Variants in GNAI1 observed in about 807,000 individuals in gnomAD.
The protein encoded by GNAI1 is G protein subunit alpha i1, also known as guanine nucleotide-binding protein G(i) subunit alpha-1.
In GNAI1, 11 loss-of-function variants were observed where a neutral mutation model predicts 38.9. The ratio of observed to expected loss-of-function variants is 0.28; its 90% CI spans 0.18 to 0.47. The LOEUF is 0.47. Ranked by LOEUF, GNAI1 falls within the 20% of genes least tolerant of loss-of-function variation. The probability of loss-of-function intolerance (pLI) is 0.99; values close to 1 mark genes in which losing one functional copy is unlikely to be tolerated. For missense variants in GNAI1, 317 were observed against 436.9 expected (o/e 0.73, Z 2.45); for synonymous variants, 166 against 145.1 (o/e 1.14, Z -1.04).
intron 3 of GNAI1, 85 bp downstream of exon 3, chr7:80,189,316 G>T (rs1476868997): frequency 1.3e-5 from 15 of 1,182,940 alleles, no homozygotes; most frequent in Admixed American, 1.1e-4. Flanking sequence ...ACATAGGCTT[G>T]TCAACTATCA....
rs1788751908 is a variant in GNAI1, at chr7:80,205,170, T to C, written c.590+1338T>C. ...ACTAATTTATATGAATATAATAGAGTCACATTATTCACACAGTATTAAAAC... is the reference window on the plus strand; with the variant it reads ...ACTAATTTATATGAATATAATAGAGCCACATTATTCACACAGTATTAAAAC... On this transcript the variant is annotated intron_variant, in intron 5 of 7. Transcript: ENST00000649796. Among the ~76,000 whole-genome samples the C allele has an allele frequency of 2.0e-5, 3 of 152,032 alleles. 1 individual carries two copies. In the South Asian group the frequency reaches 6.2e-4, roughly 32 times the overall value.
At chr7:80,157,018 T>C (rs1034905453) in intron 1 of GNAI1, among the ~76,000 whole-genome samples, 5 of 152,200 alleles carry the variant, frequency 3.3e-5, no homozygotes, top group African/African-American at 9.7e-5. Flanking sequence ...GTACATTCTA[T>C]TGGTTTGGAA....
intron 1 of GNAI1, among the ~76,000 whole-genome samples, chr7:80,182,679 A>T (rs1446137456): frequency 6.6e-6 from 1 of 152,242 alleles, no homozygotes; most frequent in Non-Finnish European, 1.5e-5. Context: ...CAGAAAGAAA[A>T]TATTTTCATT....
intron 1 of GNAI1, among the ~76,000 whole-genome samples, chr7:80,183,293 T>G (rs752982457): frequency 1.1e-4 from 16 of 152,186 alleles, no homozygotes; most frequent in Non-Finnish European, 2.9e-5. Flanking sequence ...CACCCCTACT[T>G]TATCTACTTC....
chr7:80,192,567 G>A (rs1788500423), intron 3 of GNAI1, among the ~76,000 whole-genome samples: 1 of 152,082 alleles, frequency 6.6e-6, no homozygotes, highest in African/African-American at 2.4e-5. Context: ...TAATACAAGG[G>A]AAATAATATC....
chr7:80,210,199 A>T, intron 5 of GNAI1, among the ~76,000 whole-genome samples: 1 of 152,158 alleles, frequency 6.6e-6, no homozygotes, highest in East Asian at 1.9e-4. Context: ...AACTTTATAA[A>T]GTCTTATAAG....
chr7:80,211,835 T>C (rs73380510), intron 6 of GNAI1, among the ~76,000 whole-genome samples: 12,788 of 152,304 alleles, frequency 0.084, 548 homozygotes, highest in African/African-American at 0.093. Flanking sequence ...CTTTGTCATT[T>C]TAAGTTAACT....
intron 4 of GNAI1, among the ~76,000 whole-genome samples, chr7:80,200,691 A>C (rs1448550977): frequency 6.6e-6 from 1 of 152,212 alleles, no homozygotes; most frequent in Non-Finnish European, 1.5e-5. Flanking sequence ...AGTGTGTTTA[A>C]GAAATAATGA....
chr7:80,186,334 C>T (rs989561829), intron 1 of GNAI1, among the ~76,000 whole-genome samples: 3 of 152,094 alleles, frequency 2.0e-5, no homozygotes, highest in Non-Finnish European at 4.4e-5. Context: ...CCTGGCCCCC[C>T]ACTCTTTAAT....
At chr7:80,205,885 T>G (rs528331616) in intron 5 of GNAI1, among the ~76,000 whole-genome samples, 1 of 152,268 alleles carries the variant, frequency 6.6e-6, no homozygotes, top group South Asian at 2.1e-4. Context: ...TCATTCTAAA[T>G]AAATCTTTAC....
intron 1 of GNAI1, among the ~76,000 whole-genome samples, chr7:80,159,473 T>A (rs1234101437): frequency 6.6e-6 from 1 of 152,026 alleles, no homozygotes; most frequent in Non-Finnish European, 1.5e-5. Context: ...TTTACTGTCT[T>A]TTTTTGAAAA....
At chr7:80,200,886 T>C (rs1788675769) in intron 4 of GNAI1, among the ~76,000 whole-genome samples, 1 of 152,234 alleles carries the variant, frequency 6.6e-6, no homozygotes, top group African/African-American at 2.4e-5. Context: ...AAATATTCCT[T>C]GACCCACTGA....
intron 4 of GNAI1, 31 bp from the exon 5 acceptor site, chr7:80,203,673 T>G: frequency 6.9e-7 from 1 of 1,449,376 alleles, no homozygotes; most frequent in Non-Finnish European, 9.6e-7. Flanking sequence ...ATATTTACCA[T>G]TAACATGTTG....
intron 4 of GNAI1, among the ~76,000 whole-genome samples, 198 bp downstream of exon 4, chr7:80,199,580 A>G (rs1160384216): frequency 6.6e-6 from 1 of 152,152 alleles, no homozygotes; most frequent in Non-Finnish European, 1.5e-5. Context: ...TATATGTTCA[A>G]TAGTGTCTCA....
At chr7:80,158,192 A>G (rs892386324) in intron 1 of GNAI1, among the ~76,000 whole-genome samples, 2 of 152,176 alleles carry the variant, frequency 1.3e-5, no homozygotes, top group Admixed American at 6.5e-5. Context: ...CTCCTTCAGT[A>G]TCATGTTGGC....
chr7:80,225,431 TGG>T lies in GNAI1; in HGVS notation c.*7941_*7942del, dbSNP rs1050705102. ...GTCTGCAGCCAAATCAAAAGATTAG[TGG>T]GGTTTTTTTTAATGTTGTTATTGTG... On this transcript the variant is annotated 3_prime_UTR_variant, in exon 8 of 8. Transcript: ENST00000649796. 6.6e-6 allele frequency among the ~76,000 whole-genome samples: 1 copy of T among 151,826 alleles called. No individual in the cohort carries two copies. Among genetic ancestry groups the T allele is most frequent in the Non-Finnish European group, 1.5e-5 (1 of 67,932 alleles).
At chr7:80,144,228 A>C (rs1348730080) in intron 1 of GNAI1, among the ~76,000 whole-genome samples, 5 of 150,348 alleles carry the variant, frequency 3.3e-5, no homozygotes, top group African/African-American at 9.7e-5. Flanking sequence ...CTTTTTGCAA[A>C]CTTTTTTTTT....
At chr7:80,139,407 A>G (rs775888574) in intron 1 of GNAI1, among the ~76,000 whole-genome samples, 14 of 152,114 alleles carry the variant, frequency 9.2e-5, no homozygotes, top group Non-Finnish European at 1.8e-4. Context: ...CTCTAGCCTT[A>G]TACTTTTTCC....
At position 80,217,283 on chromosome 7, in the gene GNAI1, C is replaced by G; in HGVS notation, c.875-20C>G. 1 of 1,401,804 alleles carries G rather than the reference C, an allele frequency of 7.1e-7. No individual in the cohort carries two copies. Among genetic ancestry groups the G allele is most frequent in the Admixed American group, 2.7e-5 (1 of 37,498 alleles). 86.8% of individuals were successfully genotyped at this position (1,401,804 alleles called of 1,614,324 possible). On this transcript the variant is annotated intron_variant, in intron 7 of 7. Transcript: ENST00000649796. ...ATTTTAACTTTTTGCATTTATGTTTCTTTCCTTTTTCCATCTCAGGATCAA... is the reference window on the plus strand; with the variant it reads ...ATTTTAACTTTTTGCATTTATGTTTGTTTCCTTTTTCCATCTCAGGATCAA...
Sources: allele counts gnomAD v4.1 joint callset (sites outside exome capture counted in the v4.1 genomes callset), GRCh38; gene constraint gnomAD v4.1.1; transcripts MANE v1.5; gene names NCBI Gene and HGNC (gene_info 2026-07-23, HGNC 2026-07-21).